GRIA1: variants seen among roughly 807,000 people sequenced by gnomAD.
The protein encoded by GRIA1 is glutamate receptor 1.
In GRIA1, 31 loss-of-function variants were observed where a neutral mutation model predicts 99.2. The observed-to-expected ratio is 0.31, with a 90% CI of 0.23 to 0.42. The LOEUF (loss-of-function observed/expected upper bound fraction) is 0.42. GRIA1 is among the 10% of genes least tolerant of loss of function. GRIA1 has a pLI of 1.00. For synonymous variants in GRIA1, 438 were observed against 432.4 expected, an observed-to-expected ratio of 1.01 and a Z score of -0.16; for missense variants, 782 against 1,157.5, an observed-to-expected ratio of 0.68 and a Z score of 4.71.
rs191709058 is a variant in GRIA1 at position 153,712,210 on chromosome 5, C to T, written c.1823+6143C>T. Among the ~76,000 whole-genome samples, 1,444 of 152,228 alleles carry T rather than the reference C, an allele frequency of 9.5e-3. 23 individuals carry two copies. The highest frequency in any genetic ancestry group is 0.033 in the African/African-American group (1,374 of 41,518). On this transcript the variant is annotated intron_variant, in intron 11 of 15. Transcript: ENST00000285900. ...GGCATTACAGGCGTGTGCCACCATG[C>T]CCAGCTAATTGTTGTATTTTTAGTA...
At chr5:153,707,983 G>A (rs1759037994) in intron 11 of GRIA1, among the ~76,000 whole-genome samples, 1 of 152,142 alleles carries the variant, frequency 6.6e-6, no homozygotes, top group Admixed American at 6.5e-5. Context: ...TAACTAGTCA[G>A]CATAATGTAG....
At chr5:153,535,495 A>T (rs2113458529) in intron 2 of GRIA1, among the ~76,000 whole-genome samples, 1 of 152,348 alleles carries the variant, frequency 6.6e-6, no homozygotes, top group African/African-American at 2.4e-5. Context: ...GGGATTTGTG[A>T]ACAACATTCT....
At chr5:153,518,553 TCAGTAGTTTCAGGATTAAAAGC>T (rs1303408109) in intron 2 of GRIA1, among the ~76,000 whole-genome samples, 3 of 152,116 alleles carry the variant, frequency 2.0e-5, no homozygotes, top group Admixed American at 6.5e-5. Flanking sequence ...AACTGAGAAG[TCAGTAGTTTCAGGATTAAAAGC>T]CAGTAGTTTC....
chr5:153,494,078 T>C lies in GRIA1; in HGVS notation c.220+13T>C. ...ATGACCTATAGATGTAAGTAATTGC[T>C]TCTATTTCTGAGATGTCTTTCTGCG... is the stretch of plus-strand genomic sequence containing the variant. On this transcript the variant is annotated intron_variant, in intron 2 of 15. Transcript: ENST00000285900. 1 of 1,612,304 alleles carries C rather than the reference T, an allele frequency of 6.2e-7. No homozygotes were observed. Among genetic ancestry groups the C allele is most frequent in the Non-Finnish European group, 8.5e-7 (1 of 1,178,936 alleles).
intron 2 of GRIA1, among the ~76,000 whole-genome samples, chr5:153,534,277 T>C (rs1307330060): frequency 6.6e-6 from 1 of 152,200 alleles, no homozygotes; most frequent in Non-Finnish European, 1.5e-5. Flanking sequence ...TCAGGTTACT[T>C]TCCCTCAGTA....
intron 2 of GRIA1, among the ~76,000 whole-genome samples, chr5:153,593,529 C>T (rs893019572): frequency 1.3e-5 from 2 of 152,174 alleles, no homozygotes; most frequent in Non-Finnish European, 2.9e-5. Flanking sequence ...CCAAATAGCA[C>T]ACTCTTAAAC....
intron 11 of GRIA1, among the ~76,000 whole-genome samples, chr5:153,746,582 C>T (rs1218018399): frequency 6.6e-6 from 1 of 152,162 alleles, no homozygotes; most frequent in African/African-American, 2.4e-5. Context: ...ACCTGGCCCA[C>T]TGAGGCAGAG....
At chr5:153,691,131 C>A (rs1466628128) in intron 8 of GRIA1, among the ~76,000 whole-genome samples, 1 of 152,160 alleles carries the variant, frequency 6.6e-6, no homozygotes, top group East Asian at 1.9e-4. Flanking sequence ...TCTAAGCATC[C>A]ATTCATCATA....
chr5:153,590,506 A>ATGTG (rs5872325), intron 2 of GRIA1, among the ~76,000 whole-genome samples: 3,215 of 147,844 alleles, frequency 0.022, 58 homozygotes, highest in African/African-American at 0.028. Flanking sequence ...AGCTATTGAA[A>ATGTG]TGTGTGTGTG....
At chr5:153,571,748 T>C (rs1762137027) in intron 2 of GRIA1, among the ~76,000 whole-genome samples, 1 of 152,008 alleles carries the variant, frequency 6.6e-6, no homozygotes, top group Non-Finnish European at 1.5e-5. Flanking sequence ...GAAAGCATAT[T>C]ATTTTATTAA....
intron 15 of GRIA1, among the ~76,000 whole-genome samples, chr5:153,802,729 G>A (rs1273332185): frequency 6.6e-6 from 1 of 152,172 alleles, no homozygotes; most frequent in Non-Finnish European, 1.5e-5. Flanking sequence ...TTGCCAGAGT[G>A]GGGTCAGTGA....
At chr5:153,756,151 G>A (rs1234235766) in intron 11 of GRIA1, among the ~76,000 whole-genome samples, 1 of 152,210 alleles carries the variant, frequency 6.6e-6, no homozygotes, top group South Asian at 2.1e-4. Flanking sequence ...AGGAACCAGA[G>A]GGAAACTCAC....
Position 153,728,897 on chromosome 5 carries a change from G to T in GRIA1, c.1823+22830G>T, listed in dbSNP as rs1167230315. Among the ~76,000 whole-genome samples, 340 of 116,348 alleles carry T rather than the reference G, an allele frequency of 2.9e-3. 6 individuals carry two copies. Among genetic ancestry groups the T allele is most frequent in the African/African-American group, 0.011 (330 of 28,728 alleles). The allele number at this position is 116,348 out of a possible 152,430, so 76.3% of individuals were successfully genotyped here. A position where few individuals can be genotyped will look rare whatever the true frequency, so the allele number is the denominator to read the frequency against. The stretch of plus-strand genomic sequence containing the variant: ...TCCCATTACTGGGTATATACCCAAA[G>T]GACTATAAATCATGCTGCTATAAAG... On this transcript the variant is annotated intron_variant, in intron 11 of 15. Transcript: ENST00000285900.
At chr5:153,568,719 T>A (rs571229344) in intron 2 of GRIA1, among the ~76,000 whole-genome samples, 1 of 152,344 alleles carries the variant, frequency 6.6e-6, no homozygotes, top group East Asian at 1.9e-4. Context: ...TAGCTTATTA[T>A]AGCCATATCA....
At chr5:153,531,491 C>G (rs535695807) in intron 2 of GRIA1, among the ~76,000 whole-genome samples, 112 of 152,298 alleles carry the variant, frequency 7.4e-4, no homozygotes, top group African/African-American at 2.7e-3. Context: ...CAGTTCTTGA[C>G]ACATAGCAGA....
intron 2 of GRIA1, among the ~76,000 whole-genome samples, chr5:153,507,873 C>T (rs1228257196): frequency 2.0e-5 from 3 of 152,168 alleles, no homozygotes; most frequent in Admixed American, 6.5e-5. Flanking sequence ...CTCTATGTTC[C>T]AGCCAAACTA....
intron 10 of GRIA1, among the ~76,000 whole-genome samples, chr5:153,703,965 C>G (rs72802685): frequency 9.6e-4 from 147 of 152,352 alleles, no homozygotes; most frequent in Middle Eastern, 3.4e-3. Context: ...TAAATACCTT[C>G]TCCCCTGTAC....
intron 14 of GRIA1, among the ~76,000 whole-genome samples, chr5:153,799,838 T>C (rs1203482566): frequency 6.6e-6 from 1 of 152,094 alleles, no homozygotes; most frequent in Admixed American, 6.5e-5. Context: ...ACATAATCAG[T>C]CATTAGGCCC....
chr5:153,730,124 G>A (rs530993268), intron 11 of GRIA1, among the ~76,000 whole-genome samples: 1 of 152,144 alleles, frequency 6.6e-6, no homozygotes, highest in African/African-American at 2.4e-5. Context: ...AAAATTTATT[G>A]TGTATTTAAA....
Sources: gnomAD v4.1 joint callset for allele counts (sites outside exome capture counted in the v4.1 genomes callset) on GRCh38, gnomAD v4.1.1 for gene constraint, MANE v1.5 for transcripts, NCBI Gene and HGNC (gene_info 2026-07-23, HGNC 2026-07-21) for gene names.